Variants in TRIM14 observed in about 807,000 individuals in gnomAD.
The protein encoded by TRIM14 is tripartite motif containing 14, also known as tripartite motif-containing protein 14.
TRIM14 carries 28 observed loss-of-function variants against 44.5 expected under a neutral mutation model. The ratio of observed to expected loss-of-function variants is 0.63; its 90% CI spans 0.47 to 0.86. TRIM14 has a LOEUF of 0.86. TRIM14 is among the 40% of genes least tolerant of loss of function. The pLI is 0.00. For missense variants in TRIM14, 607 were observed against 611.1 expected (o/e 0.99, Z 0.07); for synonymous variants, 299 against 269.2 (o/e 1.11, Z -1.08).
At chr9:98,116,321 A>G (rs984177290) in intron 1 of TRIM14, among the ~76,000 whole-genome samples, 7 of 151,650 alleles carry the variant, frequency 4.6e-5, no homozygotes, top group Non-Finnish European at 7.4e-5. Context: ...AAAAAAAAAA[A>G]ATCCTTGGAA....
At chr9:98,078,387 C>T (rs937478896) in intron 6 of TRIM14, 26 of 1,597,872 alleles carry the variant, frequency 1.6e-5, no homozygotes, top group Non-Finnish European at 2.2e-5. Flanking sequence ...GGGCCATTTA[C>T]TATGGGGAAG....
the TRIM14 span, among the ~76,000 whole-genome samples, chr9:98,061,792 A>T: frequency 6.6e-6 from 1 of 151,220 alleles, no homozygotes; most frequent in Admixed American, 6.6e-5. Flanking sequence ...AAAAAAAAAA[A>T]TTAATAATAA....
At chr9:98,077,568 C>T (rs191110905) in intron 6 of TRIM14, among the ~76,000 whole-genome samples, 22 of 152,122 alleles carry the variant, frequency 1.4e-4, no homozygotes, top group African/African-American at 5.1e-4. Flanking sequence ...ATATATAAAA[C>T]CTAGCTGGGT....
downstream of TRIM14, chr9:98,080,790 G>T (rs1829818430): frequency 6.5e-7 from 1 of 1,548,970 alleles, no homozygotes; most frequent in South Asian, 1.2e-5. Flanking sequence ...GATATTTAAT[G>T]TTATTTTTCT....
chr9:98,110,146 C>A (rs1826789752), intron 1 of TRIM14, 162 bp from the exon 2 acceptor site: 1 of 619,604 alleles, frequency 1.6e-6, no homozygotes, highest in African/African-American at 1.8e-5. Flanking sequence ...GGTGGATGAG[C>A]TGGGACTAGG....
intron 2 of TRIM14, among the ~76,000 whole-genome samples, chr9:98,103,068 C>T (rs1826459309): frequency 6.6e-6 from 1 of 152,012 alleles, no homozygotes; most frequent in South Asian, 2.1e-4. Flanking sequence ...CGCCTGTAAT[C>T]CCAGCTACTC....
chr9:98,074,718 G>C (rs900972152), intron 6 of TRIM14: 1 of 151,958 alleles, frequency 6.6e-6, no homozygotes, highest in Admixed American at 6.6e-5. Context: ...TTCTGCACTT[G>C]TCCCCCCTCC....
intron 2 of TRIM14, among the ~76,000 whole-genome samples, chr9:98,106,445 G>A (rs918076952): frequency 1.3e-5 from 2 of 152,248 alleles, no homozygotes; most frequent in Non-Finnish European, 1.5e-5. Context: ...GAGATCCCAT[G>A]CCATGGGAGT....
At chr9:98,089,744 G>A (rs375490226) in intron 5 of TRIM14, among the ~76,000 whole-genome samples, 6 of 152,082 alleles carry the variant, frequency 3.9e-5, no homozygotes, top group African/African-American at 1.2e-4. Context: ...GGTAGAAAAC[G>A]CATCAAAATG....
At chr9:98,098,645 T>A (rs1826273656) in intron 3 of TRIM14, among the ~76,000 whole-genome samples, 1 of 150,142 alleles carries the variant, frequency 6.7e-6, no homozygotes, top group Non-Finnish European at 1.5e-5. Flanking sequence ...TGGAGCTTGC[T>A]GTAAGCCGAG....
At chr9:98,076,870 G>C in intron 6 of TRIM14, 1 of 1,465,874 alleles carries the variant, frequency 6.8e-7, no homozygotes, top group Non-Finnish European at 9.5e-7. Flanking sequence ...CATAACAACA[G>C]TGTTTTTGGA....
At chr9:98,065,112 T>C (rs1048849943), downstream of TRIM14, among the ~76,000 whole-genome samples, 1 of 152,050 alleles carries the variant, frequency 6.6e-6, no homozygotes, top group Admixed American at 6.6e-5. Context: ...AAGGAATAGG[T>C]CTTGTAAGTA....
At chr9:98,093,164 A>G (rs1826059116) in intron 4 of TRIM14, among the ~76,000 whole-genome samples, 1 of 151,988 alleles carries the variant, frequency 6.6e-6, no homozygotes, top group Non-Finnish European at 1.5e-5. Context: ...CCCACGTCCA[A>G]ATCCTTGGAT....
intron 6 of TRIM14, among the ~76,000 whole-genome samples, chr9:98,069,905 G>T (rs933505065): frequency 6.6e-6 from 1 of 152,136 alleles, no homozygotes; most frequent in African/African-American, 2.4e-5. Flanking sequence ...ATGAATACTT[G>T]TAGAAATGGT....
In TRIM14 at chr9:98,095,807, A is replaced by G. The variant is rs1197951555; in HGVS notation, c.538-778T>C. Among the ~76,000 whole-genome samples the G allele has an allele frequency of 6.6e-6, 1 of 152,084 alleles. No homozygotes were observed. Among genetic ancestry groups the G allele is most frequent in the Non-Finnish European group, 1.5e-5 (1 of 68,008 alleles). On this transcript the variant is annotated intron_variant, in intron 3 of 5. Coordinates refer to ENST00000341469, the MANE Select transcript of TRIM14 (RefSeq NM_014788.4). This position sits in a 1 kb window ranked among gnomAD's most constrained non-coding sequence, Gnocchi z 4.1. ...GGTGGGGGCTCTGGTCAGTGGTGTGAGTGGTGATGTCTTGCCCAGCAGGGG... is the reference window on the plus strand; with the variant it reads ...GGTGGGGGCTCTGGTCAGTGGTGTGGGTGGTGATGTCTTGCCCAGCAGGGG...
chr9:98,042,293 G>GAAA, the TRIM14 span, among the ~76,000 whole-genome samples: 8 of 125,996 alleles, frequency 6.3e-5, no homozygotes, highest in East Asian at 1.0e-3. Context: ...ACTCTGTCTG[G>GAAA]AAAAAAAAAA....
intron 1 of TRIM14, among the ~76,000 whole-genome samples, chr9:98,118,279 C>T (rs1034730850): frequency 1.3e-5 from 2 of 152,218 alleles, no homozygotes; most frequent in Non-Finnish European, 1.5e-5. Context: ...TAGGATTATG[C>T]ATGGGTAAGG....
chr9:98,091,451 A>T (rs1825990904), intron 5 of TRIM14, among the ~76,000 whole-genome samples: 1 of 152,194 alleles, frequency 6.6e-6, no homozygotes, highest in African/African-American at 2.4e-5. Flanking sequence ...TCACACACAC[A>T]CACACACATA....
the TRIM14 span, among the ~76,000 whole-genome samples, chr9:98,052,806 C>T: frequency 0.33 from 49,810 of 152,122 alleles, 10,946 homozygotes; most frequent in African/African-American, 0.62. Flanking sequence ...GTGCTCAGCC[C>T]AAAATCTTTT....
Sources: allele counts gnomAD v4.1 joint callset (sites outside exome capture counted in the v4.1 genomes callset), GRCh38; gene constraint gnomAD v4.1.1; non-coding constraint Gnocchi (gnomAD v3.1); transcripts MANE v1.5; gene names NCBI Gene and HGNC (gene_info 2026-07-23, HGNC 2026-07-21).